LRRTM4: variants seen among roughly 807,000 people sequenced by gnomAD.
LRRTM4 encodes leucine-rich repeat transmembrane neuronal protein 4.
Under a neutral mutation model 47.6 loss-of-function variants are expected in LRRTM4, and 25 were observed. The ratio of observed to expected loss-of-function variants is 0.53; its 90% CI spans 0.38 to 0.73. The LOEUF (loss-of-function observed/expected upper bound fraction) is 0.73, where lower values mean the gene tolerates loss of function less well. LRRTM4 is among the 30% of genes least tolerant of loss of function. LRRTM4 has a pLI of 0.00. For missense variants in LRRTM4, 638 were observed against 713.4 expected (o/e 0.89, Z 1.20); for synonymous variants, 311 against 269.5 (o/e 1.15, Z -1.51).
intron 3 of LRRTM4, among the ~76,000 whole-genome samples, chr2:77,512,340 C>A (rs946828019): frequency 6.6e-6 from 1 of 152,016 alleles, no homozygotes; most frequent in Non-Finnish European, 1.5e-5. Context: ...CTTACAGTTA[C>A]AATTTTAATG....
intron 3 of LRRTM4, among the ~76,000 whole-genome samples, chr2:77,468,534 G>A (rs1201113355): frequency 3.3e-5 from 5 of 152,132 alleles, no homozygotes; most frequent in African/African-American, 9.7e-5. Context: ...GTATCTGGGC[G>A]TCAAGTCCCC....
chr2:77,212,521 A>G (rs1246798238), intron 3 of LRRTM4, among the ~76,000 whole-genome samples: 1 of 150,094 alleles, frequency 6.7e-6, no homozygotes, highest in Non-Finnish European at 1.5e-5. Flanking sequence ...GTGTATATAT[A>G]TATGTATATA....
chr2:76,860,761 G>T (rs1672289942), intron 3 of LRRTM4, among the ~76,000 whole-genome samples: 1 of 151,970 alleles, frequency 6.6e-6, no homozygotes, highest in Non-Finnish European at 1.5e-5. Flanking sequence ...ACAAACTCCA[G>T]AAATATAAAT....
intron 3 of LRRTM4, among the ~76,000 whole-genome samples, chr2:76,993,246 G>A (rs886147259): frequency 3.3e-5 from 5 of 151,930 alleles, no homozygotes; most frequent in Non-Finnish European, 7.4e-5. Flanking sequence ...AAAAACAATT[G>A]CAACAAAAGC....
At chr2:76,964,536 G>A (rs1374676410) in intron 3 of LRRTM4, among the ~76,000 whole-genome samples, 1 of 150,448 alleles carries the variant, frequency 6.6e-6, no homozygotes, top group African/African-American at 2.4e-5. Flanking sequence ...ATTCTACAGG[G>A]GTCTGTACTC....
At chr2:77,100,846 C>CTTT (rs752749316) in intron 3 of LRRTM4, among the ~76,000 whole-genome samples, 41 of 122,958 alleles carry the variant, frequency 3.3e-4, no homozygotes, top group South Asian at 5.2e-4. Context: ...AGCTCTGATT[C>CTTT]TTTTTTTTTT....
chr2:77,298,138 A>G (rs987441171), intron 3 of LRRTM4, among the ~76,000 whole-genome samples: 7 of 152,194 alleles, frequency 4.6e-5, no homozygotes, highest in African/African-American at 1.7e-4. Flanking sequence ...GTATCCCCCA[A>G]TTTTATGTCT....
At chr2:77,249,147 T>G (rs1166002409) in intron 3 of LRRTM4, among the ~76,000 whole-genome samples, 1 of 151,856 alleles carries the variant, frequency 6.6e-6, no homozygotes. Flanking sequence ...GTTGGTAGTT[T>G]GAGACCAGCC....
At chr2:76,790,801 T>C (rs1674933415) in intron 3 of LRRTM4, among the ~76,000 whole-genome samples, 1 of 152,144 alleles carries the variant, frequency 6.6e-6, no homozygotes, top group African/African-American at 2.4e-5. Context: ...TTTCACTGTT[T>C]CTGCCATAGA....
intron 3 of LRRTM4, among the ~76,000 whole-genome samples, chr2:76,799,941 G>C: frequency 6.6e-6 from 1 of 151,030 alleles, no homozygotes; most frequent in East Asian, 1.9e-4. Context: ...CACTGCTCAA[G>C]GAAATAAAAG....
Position 77,138,931 on chromosome 2 carries a change from T to C in LRRTM4, c.1551+379387A>G, listed in dbSNP as rs532679300. Among the ~76,000 whole-genome samples the C allele has an allele frequency of 1.4e-3, 209 of 152,236 alleles. 1 individual carries two copies. Among genetic ancestry groups the C allele is most frequent in the East Asian group, 9.5e-3 (49 of 5,176 alleles). Reference sequence around the variant, plus strand: ...TCCCAAGACTAAACCAGGAAGAAGTTGAATCCTTGAATAGACCAATAATAG... The same window carrying C: ...TCCCAAGACTAAACCAGGAAGAAGTCGAATCCTTGAATAGACCAATAATAG... On this transcript the variant is annotated intron_variant, in intron 3 of 3. Transcript: ENST00000409884.
chr2:76,926,919 C>G (rs1228075117), intron 3 of LRRTM4, among the ~76,000 whole-genome samples: 1 of 152,196 alleles, frequency 6.6e-6, no homozygotes, highest in South Asian at 2.1e-4. Flanking sequence ...CATGAAAACA[C>G]GAAACATCCT....
chr2:77,243,359 G>C (rs1195950721), intron 3 of LRRTM4, among the ~76,000 whole-genome samples: 1 of 147,318 alleles, frequency 6.8e-6, no homozygotes, highest in Non-Finnish European at 1.5e-5. Flanking sequence ...GCGGTGAGCC[G>C]AGATCGTGCC....
chr2:76,846,951 A>G (rs1385647848), intron 3 of LRRTM4, among the ~76,000 whole-genome samples: 1 of 152,192 alleles, frequency 6.6e-6, no homozygotes, highest in Non-Finnish European at 1.5e-5. Context: ...GAGAGTAACT[A>G]AAAACAAACT....
At chr2:77,468,695 T>C (rs1169304845) in intron 3 of LRRTM4, among the ~76,000 whole-genome samples, 2 of 152,066 alleles carry the variant, frequency 1.3e-5, no homozygotes, top group Admixed American at 6.6e-5. Flanking sequence ...TTCTGATTGA[T>C]TGGAGGAGTC....
At chr2:77,235,597 T>C (rs1488379335) in intron 3 of LRRTM4, among the ~76,000 whole-genome samples, 1 of 152,140 alleles carries the variant, frequency 6.6e-6, no homozygotes, top group Non-Finnish European at 1.5e-5. Flanking sequence ...CCAAGGCTGG[T>C]GTCCAGAATA....
chr2:76,908,865 C>T (rs1673945933), intron 3 of LRRTM4, among the ~76,000 whole-genome samples: 1 of 152,158 alleles, frequency 6.6e-6, no homozygotes, highest in African/African-American at 2.4e-5. Context: ...AATGGAAGAA[C>T]ATTCCATGCT....
At chr2:77,479,514 T>A (rs932780370) in intron 3 of LRRTM4, among the ~76,000 whole-genome samples, 2 of 152,168 alleles carry the variant, frequency 1.3e-5, no homozygotes, top group African/African-American at 4.8e-5. Flanking sequence ...TGCTAATCTC[T>A]CCAGACTCCT....
rs776485268 is a variant in LRRTM4, at chr2:77,044,616, AT to A, written c.1552-295701del. ...GTGGGAGTGAAAACTAGTTTATTTG[AT>A]TTTTTTTGGCTATATATATATACAC... is the stretch of plus-strand genomic sequence containing the variant. On this transcript the variant is annotated intron_variant, in intron 3 of 3. Transcript: ENST00000409884. 1.1e-3 allele frequency among the ~76,000 whole-genome samples: 171 copies of A among 150,662 alleles called. 1 individual carries two copies. Among genetic ancestry groups the A allele is most frequent in the Non-Finnish European group, 3.7e-4 (25 of 67,472 alleles).
Sources: allele counts gnomAD v4.1 joint callset (sites outside exome capture counted in the v4.1 genomes callset), GRCh38; gene constraint gnomAD v4.1.1; transcripts MANE v1.5; gene names NCBI Gene and HGNC (gene_info 2026-07-23, HGNC 2026-07-21).